Variants in KIF13A observed in about 807,000 individuals in gnomAD.
KIF13A encodes the protein kinesin family member 13A.
Under a neutral mutation model 212.2 loss-of-function variants are expected in KIF13A, and 79 were observed. The observed-to-expected ratio is 0.37, with a 90% confidence interval of 0.31 to 0.45. The LOEUF is 0.45. Among genes scored for constraint, KIF13A ranks in the 20% least tolerant of loss-of-function variants. The pLI is 1.00. For synonymous variants in KIF13A, 789 were observed against 808.6 expected (o/e 0.98, Z 0.41); for missense variants, 1,901 against 2,209.0 (o/e 0.86, Z 2.79).
intron 4 of KIF13A, among the ~76,000 whole-genome samples, chr6:17,866,570 T>C (rs1769389421): frequency 6.6e-6 from 1 of 152,086 alleles, no homozygotes; most frequent in Non-Finnish European, 1.5e-5. Context: ...AGTAATAGTT[T>C]CTACCTGACT....
intron 9 of KIF13A, among the ~76,000 whole-genome samples, chr6:17,844,359 C>T (rs1411992526): frequency 6.6e-6 from 1 of 152,148 alleles, no homozygotes; most frequent in Non-Finnish European, 1.5e-5. Context: ...ACTGACATTT[C>T]TGAAAATGTT....
intron 16 of KIF13A, among the ~76,000 whole-genome samples, chr6:17,822,951 C>T (rs991232659): frequency 4.6e-5 from 7 of 152,220 alleles, no homozygotes; most frequent in African/African-American, 1.7e-4. Flanking sequence ...CTAATCTTAA[C>T]ACTCTACTCT....
chr6:17,821,957 G>A, intron 16 of KIF13A: 1 of 1,529,614 alleles, frequency 6.5e-7, no homozygotes, highest in African/African-American at 1.4e-5. Context: ...CGGCACATCA[G>A]CACTTGCATC....
chr6:17,873,701 C>T (rs1478252942), intron 3 of KIF13A, among the ~76,000 whole-genome samples: 2 of 152,092 alleles, frequency 1.3e-5, no homozygotes, highest in African/African-American at 2.4e-5. Flanking sequence ...GATCCTCCTG[C>T]TTCAGCCTCC....
At chr6:17,859,636 A>AT (rs1204467896) in intron 4 of KIF13A, among the ~76,000 whole-genome samples, 59 of 111,066 alleles carry the variant, frequency 5.3e-4, no homozygotes, top group South Asian at 1.7e-3. Context: ...ATATATATAT[A>AT]TATTTTTTTT....
At chr6:17,765,505 C>A (rs1758863492) in intron 38 of KIF13A, among the ~76,000 whole-genome samples, 1 of 152,178 alleles carries the variant, frequency 6.6e-6, no homozygotes, top group South Asian at 2.1e-4. Context: ...TTTCAACACT[C>A]ATTCTTATAT....
At chr6:17,813,332 T>A (rs796969842) in intron 17 of KIF13A, among the ~76,000 whole-genome samples, 7 of 152,120 alleles carry the variant, frequency 4.6e-5, no homozygotes, top group African/African-American at 1.7e-4. Flanking sequence ...ATACAAAAAT[T>A]AGCCAGGTAT....
chr6:17,947,953 T>G lies in KIF13A; in HGVS notation c.146+39101A>C, dbSNP rs558933299. On this transcript the variant is annotated intron_variant, in intron 2 of 38. Coordinates refer to ENST00000259711, the MANE Select transcript of KIF13A (RefSeq NM_022113.6). The surrounding 1 kb of genome is among the most constrained non-coding windows in gnomAD (Gnocchi z 4.6). Reference sequence around the variant, plus strand: ...TTATATTTTTTCCACAAATATTTGATAAGGCAAATGCAGCAAAGCTTTAAA... The same window carrying G: ...TTATATTTTTTCCACAAATATTTGAGAAGGCAAATGCAGCAAAGCTTTAAA... Among the ~76,000 whole-genome samples, 5 of 152,334 alleles carry G rather than the reference T, an allele frequency of 3.3e-5. No homozygotes were observed. Among genetic ancestry groups the G allele is most frequent in the Admixed American group, 3.3e-4 (5 of 15,300 alleles).
Position 17,769,707 on chromosome 6 carries a change from C to A in KIF13A, c.4581+1407G>T, listed in dbSNP as rs1759323741. Among the ~76,000 whole-genome samples, 1 of 152,012 alleles carries A rather than the reference C, an allele frequency of 6.6e-6. No individual in the cohort carries two copies. The highest frequency in any genetic ancestry group is 2.4e-5 in the African/African-American group (1 of 41,362). On this transcript the variant is annotated intron_variant, in intron 38 of 38. Transcript: ENST00000259711. The surrounding 1 kb of genome is among the most constrained non-coding windows in gnomAD (Gnocchi z 5.8). ...GTGCACCACAGTGATAAGTGTCATGCCAATAAACAGATCCAATCAGACACA... is the reference window on the plus strand; with the variant it reads ...GTGCACCACAGTGATAAGTGTCATGACAATAAACAGATCCAATCAGACACA...
chr6:17,798,211 TGAAAAAACTCCAAG>T (rs1192366153), intron 22 of KIF13A, among the ~76,000 whole-genome samples: 1 of 151,938 alleles, frequency 6.6e-6, no homozygotes, highest in African/African-American at 2.4e-5. Context: ...AACTCCAAGA[TGAAAAAACTCCAAG>T]ATCACAAGAG....
intron 4 of KIF13A, among the ~76,000 whole-genome samples, chr6:17,863,047 C>T (rs682903): frequency 0.79 from 120,763 of 152,248 alleles, 48,217 homozygotes; most frequent in African/African-American, 0.85. Flanking sequence ...GAGTGAGCCA[C>T]GATCGTGCCA....
At chr6:17,909,561 G>A (rs1377952900) in intron 2 of KIF13A, among the ~76,000 whole-genome samples, 2 of 150,654 alleles carry the variant, frequency 1.3e-5, no homozygotes, top group African/African-American at 4.9e-5. Flanking sequence ...AAAAAAAAAA[G>A]GTTTTAAAGA....
At chr6:17,857,387 A>G (rs1416185333) in intron 4 of KIF13A, among the ~76,000 whole-genome samples, 1 of 152,138 alleles carries the variant, frequency 6.6e-6, no homozygotes, top group East Asian at 1.9e-4. Context: ...GTGAGTTCTT[A>G]CAAGATCTGA....
Position 17,800,048 on chromosome 6 carries a change from C to T in KIF13A, c.2520G>A (p.Glu840=). Residue 840 remains glutamate (E), a synonymous_variant, in exon 21 of 39, where the codon GAG becomes GAA. Coordinates refer to ENST00000259711, the MANE Select transcript of KIF13A (RefSeq NM_022113.6). ...VTGAVPERVV[E]DDSSENSSES... is the part of the protein sequence containing the mutation. ...CACTGGAATTCTCCGAAGAGTCATC[C>T]TCCACCACACGCTCTGGAACAGCTC... The T allele has an allele frequency of 6.2e-7, 1 of 1,614,044 alleles. No homozygotes were observed. The highest frequency in any genetic ancestry group is 1.7e-5 in the Admixed American group (1 of 60,024).
chr6:17,759,399 C>T (rs891089261), downstream of KIF13A: 1 of 152,120 alleles, frequency 6.6e-6, no homozygotes, highest in Non-Finnish European at 1.5e-5. Flanking sequence ...ACAGTCAGCT[C>T]ACTATACACA....
At chr6:17,822,040 C>CTTATT in intron 16 of KIF13A, 75 of 615,814 alleles carry the variant, frequency 1.2e-4, no homozygotes, top group Non-Finnish European at 1.7e-4. Context: ...GGAAACATAA[C>CTTATT]TTCTTTTTTT....
rs1769996762 is a variant in KIF13A at position 17,871,368 on chromosome 6, C to T, written c.220+2009G>A. Among the ~76,000 whole-genome samples the T allele has an allele frequency of 6.6e-6, 1 of 151,894 alleles. No homozygotes were observed. The highest frequency in any genetic ancestry group is 2.1e-4 in the South Asian group (1 of 4,794). ...TTCTCTTTCTCTTTAAAATCTGGTG[C>T]CTTTCCAGATTTTATCTCTCCTTGG... is the stretch of plus-strand genomic sequence containing the variant. On this transcript the variant is annotated intron_variant, in intron 4 of 38. Coordinates refer to ENST00000259711, the MANE Select transcript of KIF13A (RefSeq NM_022113.6). The surrounding 1 kb of genome is among the most constrained non-coding windows in gnomAD (Gnocchi z 4.4).
Position 17,829,362 on chromosome 6 carries a change from A to C in KIF13A, c.1402-992T>G, listed in dbSNP as rs1190247424. Among the ~76,000 whole-genome samples, 1 of 152,264 alleles carries C rather than the reference A, an allele frequency of 6.6e-6. No homozygotes were observed. The highest frequency in any genetic ancestry group is 2.4e-5 in the African/African-American group (1 of 41,474). ...CGTGATAAAATGAGAGAGCAGAGCC[A>C]AACAACATGTTCGTGTTTATATTAA... On this transcript the variant is annotated intron_variant, in intron 13 of 38. Coordinates refer to ENST00000259711, the MANE Select transcript of KIF13A (RefSeq NM_022113.6). This position sits in a 1 kb window ranked among gnomAD's most constrained non-coding sequence, Gnocchi z 5.4.
intron 22 of KIF13A, among the ~76,000 whole-genome samples, chr6:17,797,527 A>C (rs1042914539): frequency 6.6e-5 from 10 of 152,082 alleles, no homozygotes; most frequent in African/African-American, 2.2e-4. Context: ...ATAATAACAG[A>C]ATTAAATTTT....
Sources: gnomAD v4.1 joint callset for allele counts (sites outside exome capture counted in the v4.1 genomes callset) on GRCh38, gnomAD v4.1.1 for gene constraint, Gnocchi (gnomAD v3.1) non-coding constraint, MANE v1.5 for transcripts, NCBI Gene and HGNC (gene_info 2026-07-23, HGNC 2026-07-21) for gene names.